ELAC2: variants seen among roughly 807,000 people sequenced by gnomAD.
The protein encoded by ELAC2 is elaC ribonuclease Z 2.
In ELAC2, 92 loss-of-function variants were observed where a neutral mutation model predicts 105.2. The ratio of observed to expected loss-of-function variants is 0.87; its 90% confidence interval spans 0.74 to 1.04. The LOEUF (loss-of-function observed/expected upper bound fraction) is 1.04. Ranked by LOEUF, ELAC2 falls within the 50% of genes least tolerant of loss-of-function variation. The pLI is 0.00. For synonymous variants in ELAC2, 468 were observed against 409.1 expected, an observed-to-expected ratio of 1.14 and a Z score of -1.74; for missense variants, 1,099 against 1,071.7, an observed-to-expected ratio of 1.03 and a Z score of -0.36.
Position 12,995,050 on chromosome 17 carries a change from G to A in ELAC2, c.1821C>T (p.Ala607=). 4 of 1,614,092 alleles carry A rather than the reference G, an allele frequency of 2.5e-6. No homozygotes were observed. The South Asian group carries it at 3.3e-5, about 13-fold the overall frequency. ...TCTCAGCCCCTTCCTGAAGGCATTT[G>A]GCAGGAATCATACTGTAAAAAGACA... ...EVLHHISMIP[A]KCLQEGAEIS... The change falls in exon 20 of 24, where the codon GCC becomes GCT. Residue 607 remains alanine (A), a synonymous_variant. Transcript: ENST00000338034.
chr17:12,997,682 T>C (rs1170122176), intron 16 of ELAC2, among the ~76,000 whole-genome samples: 2 of 152,210 alleles, frequency 1.3e-5, no homozygotes, highest in East Asian at 3.8e-4. Flanking sequence ...GTCACTGCTG[T>C]ATATATTTAA....
chr17:12,994,955 C>A lies in ELAC2; in HGVS notation c.1908+8G>T. ...CGCCCCCATGATGCCTGCGGCTGTG[C>A]CCCTTACCTCTTCCAAATCACATGT... is the stretch of plus-strand genomic sequence containing the variant. On this transcript the variant is annotated splice_region_variant and intron_variant, in intron 20 of 23. Transcript: ENST00000338034. 1 of 1,614,156 alleles carries A rather than the reference C, an allele frequency of 6.2e-7. No individual in the cohort carries two copies. The highest frequency in any genetic ancestry group is 8.5e-7 in the Non-Finnish European group (1 of 1,180,050).
Position 13,013,242 on chromosome 17 carries a change from T to C in ELAC2, c.524A>G (p.Asp175Gly), listed in dbSNP as rs200183588. 3.1e-6 allele frequency: 5 copies of C among 1,614,194 alleles called. No homozygotes were observed. The highest frequency in any genetic ancestry group is 4.2e-6 in the Non-Finnish European group (5 of 1,180,040). The change falls in exon 6 of 24, where the codon GAT (aspartate) becomes GGT (glycine). Residue 175 changes from aspartate (D) to glycine (G), a missense_variant. By Grantham distance (94) the Asp-to-Gly change is moderately conservative (BLOSUM62 -1). Transcript: ENST00000338034. Reference sequence around the variant, plus strand: ...GATCTGGTAAACTGTCATGGTTTCATCCTCGTATTCTGGGGCAGAGTGGGG... The same window carrying C: ...GATCTGGTAAACTGTCATGGTTTCACCCTCGTATTCTGGGGCAGAGTGGGG... ...VRPHSAPEYE[D>G]ETMTVYQIPI...
chr17:13,012,857 AT>A lies in ELAC2; in HGVS notation c.559+349del, dbSNP rs891482656. Among the ~76,000 whole-genome samples, 14 of 152,294 alleles carry A rather than the reference AT, an allele frequency of 9.2e-5. No individual in the cohort carries two copies. In the South Asian group the frequency reaches 2.9e-3, roughly 32 times the overall value. ...CTGTAATCATTATTTATTTAAAAAA[AT>A]CTATCTGTGCAAACCTCTTCATGAT... On this transcript the variant is annotated intron_variant, in intron 6 of 23. Transcript: ENST00000338034.
Position 13,017,980 on chromosome 17 carries a change from C to A in ELAC2, c.-33G>T. On this transcript the variant is annotated 5_prime_UTR_variant, in exon 1 of 24. Coordinates refer to ENST00000338034, the MANE Select transcript of ELAC2 (RefSeq NM_018127.7). ...TCTCCACCAAAACTGAGAAAGCCGCCGGTCACCTACGCCCGCGTTTCCCGT... is the reference window on the plus strand; with the variant it reads ...TCTCCACCAAAACTGAGAAAGCCGCAGGTCACCTACGCCCGCGTTTCCCGT... 6.5e-7 allele frequency: 1 copy of A among 1,534,266 alleles called. No homozygotes were observed. Among genetic ancestry groups the A allele is most frequent in the South Asian group, 1.2e-5 (1 of 83,838 alleles).
chr17:13,017,326 T>G, intron 1 of ELAC2: 3 of 653,520 alleles, frequency 4.6e-6, no homozygotes, highest in Non-Finnish European at 8.0e-6. Flanking sequence ...CCTGTGTGTG[T>G]GGGTGCTAGG....
At chr17:13,005,850 G>T in intron 9 of ELAC2, 25 bp from the exon 10 acceptor site, 2 of 1,614,034 alleles carry the variant, frequency 1.2e-6, no homozygotes, top group Non-Finnish European at 1.7e-6. Context: ...CAAGGCCTCT[G>T]TGAAATGTGA....
chr17:12,992,258 C>T lies in ELAC2; in HGVS notation c.*560G>A, dbSNP rs965144012. On this transcript the variant is annotated 3_prime_UTR_variant, in exon 24 of 24. Coordinates refer to ENST00000338034, the MANE Select transcript of ELAC2 (RefSeq NM_018127.7). ...CAGGTTCCAGAGGTGCTCACTACGA[C>T]GGGAGCTGACTTCTTCCAAGCCACC... The T allele has an allele frequency of 5.4e-5, 13 of 240,536 alleles. No individual in the cohort carries two copies. The highest frequency in any genetic ancestry group is 2.5e-3 in the Middle Eastern group (2 of 804). The allele number at this position is 240,536 out of a possible 1,614,324, so 14.9% of individuals were successfully genotyped here.
At chr17:12,996,206 G>A (rs1487699023) in intron 17 of ELAC2, 1 of 646,012 alleles carries the variant, frequency 1.5e-6, no homozygotes, top group Non-Finnish European at 2.7e-6. Flanking sequence ...ACGGCCCAGG[G>A]CCCGGCACCC....
chr17:13,002,461 G>T lies in ELAC2; in HGVS notation c.1198C>A (p.Leu400Ile), dbSNP rs771836808. ...NLIHPDIFPL[L>I]TSFRCKKEGP... Reference sequence around the variant, plus strand: ...ACTACCTTACAGCGGAAACTGGTGAGCAGGGGGAAGATGTCCGGGTGGATG... The same window carrying T: ...ACTACCTTACAGCGGAAACTGGTGATCAGGGGGAAGATGTCCGGGTGGATG... Residue 400 changes from leucine to isoleucine, a missense_variant, in exon 13 of 24, where the codon CTC (leucine) becomes ATC (isoleucine). By Grantham distance (5) the Leu-to-Ile change is conservative. Coordinates refer to ENST00000338034, the MANE Select transcript of ELAC2 (RefSeq NM_018127.7). 2 of 1,611,546 alleles carry T rather than the reference G, an allele frequency of 1.2e-6. No homozygotes were observed. The highest frequency in any genetic ancestry group is 1.7e-6 in the Non-Finnish European group (2 of 1,178,730).
At position 12,996,535 on chromosome 17, in the gene ELAC2, C is replaced by G. The variant is rs763463675; in HGVS notation, c.1659+12G>C. On this transcript the variant is annotated intron_variant, in intron 17 of 23. Transcript: ENST00000338034. ...TCCAGGCTCCAGCTTTGTGGTCCAG[C>G]CCAACACTCACCGTGTGGTGATCTG... 1.2e-6 allele frequency: 2 copies of G among 1,613,598 alleles called. No homozygotes were observed. The highest frequency in any genetic ancestry group is 1.7e-6 in the Non-Finnish European group (2 of 1,180,034).
intron 12 of ELAC2, 72 bp downstream of exon 12, chr17:13,003,407 C>A (rs59429173): frequency 4.3e-6 from 6 of 1,395,206 alleles, no homozygotes; most frequent in Non-Finnish European, 6.1e-6. Flanking sequence ...GGAAAGAGCA[C>A]GAGGGGAGGA....
At chr17:13,001,907 G>A (rs1161651593) in intron 14 of ELAC2, among the ~76,000 whole-genome samples, 3 of 152,146 alleles carry the variant, frequency 2.0e-5, no homozygotes, top group African/African-American at 7.2e-5. Context: ...TTATCTCTGG[G>A]CAACAGGATT....
At chr17:12,995,556 A>G (rs1250513836) in intron 19 of ELAC2, 147 bp downstream of exon 19, 23 of 755,542 alleles carry the variant, frequency 3.0e-5, no homozygotes, top group Non-Finnish European at 2.5e-5. Flanking sequence ...CAGCCAATGC[A>G]CTTCTCCCCT....
chr17:13,004,947 G>A (rs1485615890), intron 11 of ELAC2, 42 bp downstream of exon 11: 1 of 1,475,586 alleles, frequency 6.8e-7, no homozygotes, highest in Non-Finnish European at 9.5e-7. Flanking sequence ...GCTGGGCTGG[G>A]TTTCAGCTCT....
Position 13,018,000 on chromosome 17 carries a change from T to TC in ELAC2, c.-54dup. 1.3e-6 allele frequency: 2 copies of TC among 1,533,738 alleles called. No individual in the cohort carries two copies. ...GCCGCCGGTCACCTACGCCCGCGTT[T>TC]CCCGTGCACCACCTAGCCGCTCCGC... On this transcript the variant is annotated 5_prime_UTR_variant, in exon 1 of 24. Coordinates refer to ENST00000338034, the MANE Select transcript of ELAC2 (RefSeq NM_018127.7).
Position 13,001,522 on chromosome 17 carries a change from AAATT to A in ELAC2, c.1304+748_1304+751del, listed in dbSNP as rs143845127. 2.1e-4 allele frequency among the ~76,000 whole-genome samples: 32 copies of A among 150,588 alleles called. 1 individual carries two copies. The highest frequency in any genetic ancestry group is 1.9e-3 in the South Asian group (9 of 4,630). ...AAATAAATAAATAAATAAAATAAATAAATTAATTAATTAAAATAAAGATGTGGGG... is the reference window on the plus strand; with the variant it reads ...AAATAAATAAATAAATAAAATAAATAAATTAATTAAAATAAAGATGTGGGG... On this transcript the variant is annotated intron_variant, in intron 14 of 23. Coordinates refer to ENST00000338034, the MANE Select transcript of ELAC2 (RefSeq NM_018127.7).
intron 4 of ELAC2, among the ~76,000 whole-genome samples, chr17:13,015,338 T>G (rs1228753110): frequency 6.6e-6 from 1 of 152,208 alleles, no homozygotes; most frequent in African/African-American, 2.4e-5. Context: ...AAATGAACTG[T>G]TATATTCAAC....
chr17:13,017,725 A>T lies in ELAC2; in HGVS notation c.223T>A (p.Tyr75Asn). Residue 75 changes from tyrosine (Y) to asparagine (N), a missense_variant, in exon 1 of 24, where the codon TAC becomes AAC. Physicochemically the swap from Tyr to Asn is moderately radical, Grantham distance 143. Transcript: ENST00000338034. ...GACCGGTTGAACTCGGAGAAGACGT[A>T]GAGCGCGGCGCCCGAGTCCCGGCTA... is the stretch of plus-strand genomic sequence containing the variant. The part of the protein sequence containing the change: ...AGSRDSGAAL[Y>N]VFSEFNRYLF... The T allele has an allele frequency of 6.2e-7, 1 of 1,612,924 alleles. No individual in the cohort carries two copies. The highest frequency in any genetic ancestry group is 8.5e-7 in the Non-Finnish European group (1 of 1,179,726).
Sources: allele counts gnomAD v4.1 joint callset (sites outside exome capture counted in the v4.1 genomes callset), GRCh38; gene constraint gnomAD v4.1.1; transcripts MANE v1.5; gene names NCBI Gene and HGNC (gene_info 2026-07-23, HGNC 2026-07-21).